Variants in SAMTOR observed in about 807,000 individuals in gnomAD.
SAMTOR encodes the protein UPF0532 protein C7orf60.
chr7:112,860,892 G>A, the SAMTOR span, among the ~76,000 whole-genome samples: 93 of 121,300 alleles, frequency 7.7e-4, 4 homozygotes, highest in East Asian at 0.014. Flanking sequence ...AGCCTGGGGT[G>A]ACAGAGCAAG....
the SAMTOR span, among the ~76,000 whole-genome samples, chr7:112,934,108 G>A: frequency 1.3e-5 from 2 of 152,074 alleles, no homozygotes; most frequent in Admixed American, 6.6e-5. Flanking sequence ...CATAAATGGC[G>A]GCAGATACAG....
chr7:112,930,853 TAC>T, the SAMTOR span, among the ~76,000 whole-genome samples: 2 of 152,218 alleles, frequency 1.3e-5, no homozygotes, highest in Non-Finnish European at 2.9e-5. Flanking sequence ...TTTCCAAGGT[TAC>T]ACAACAAACC....
At chr7:112,879,781 G>A in the SAMTOR span, among the ~76,000 whole-genome samples, 2 of 152,124 alleles carry the variant, frequency 1.3e-5, no homozygotes, top group African/African-American at 4.8e-5. Flanking sequence ...CATAAAATGA[G>A]TAATATTCAC....
the SAMTOR span, among the ~76,000 whole-genome samples, chr7:112,909,763 A>AATAAAT: frequency 6.6e-6 from 1 of 152,044 alleles, no homozygotes; most frequent in African/African-American, 2.4e-5. Context: ...GTTAAGCAAA[A>AATAAAT]ATAAATATAA....
the SAMTOR span, among the ~76,000 whole-genome samples, chr7:112,885,353 G>GA: frequency 2.0e-5 from 3 of 152,184 alleles, no homozygotes; most frequent in African/African-American, 7.2e-5. Flanking sequence ...TTTCTCCCCA[G>GA]AAAACGGGTT....
chr7:112,891,008 T>G, the SAMTOR span, among the ~76,000 whole-genome samples: 2 of 152,148 alleles, frequency 1.3e-5, no homozygotes, highest in Non-Finnish European at 2.9e-5. Context: ...ATTTAACAAA[T>G]TTAAGGAAAT....
At chr7:112,865,580 G>A in the SAMTOR span, among the ~76,000 whole-genome samples, 14 of 147,308 alleles carry the variant, frequency 9.5e-5, no homozygotes, top group African/African-American at 2.3e-4. Flanking sequence ...CTGGTGTCCC[G>A]TCTCATTCAT....
At chr7:112,835,248 T>A in the SAMTOR span, among the ~76,000 whole-genome samples, 1 of 152,148 alleles carries the variant, frequency 6.6e-6, no homozygotes, top group Non-Finnish European at 1.5e-5. Context: ...TCCAGGTACA[T>A]AAGTTCCTAA....
the SAMTOR span, among the ~76,000 whole-genome samples, chr7:112,840,759 G>C: frequency 6.6e-6 from 1 of 151,716 alleles, no homozygotes. Context: ...CTCTAAAATA[G>C]CATCATCCCT....
At chr7:112,849,374 T>A in the SAMTOR span, among the ~76,000 whole-genome samples, 2 of 152,170 alleles carry the variant, frequency 1.3e-5, no homozygotes, top group African/African-American at 4.8e-5. Context: ...TCTCTCTATC[T>A]TTACCTACAC....
chr7:112,881,127 T>A, the SAMTOR span, among the ~76,000 whole-genome samples: 1 of 152,196 alleles, frequency 6.6e-6, no homozygotes, highest in Non-Finnish European at 1.5e-5. Flanking sequence ...AGAGCAAAGT[T>A]GTGGGCCGAG....
the SAMTOR span, among the ~76,000 whole-genome samples, chr7:112,835,239 C>A: frequency 1.3e-5 from 2 of 152,018 alleles, no homozygotes; most frequent in African/African-American, 4.8e-5. Context: ...TTTGTGTACT[C>A]CAGGTACATA....
the SAMTOR span, chr7:112,895,827 G>A: frequency 1.2e-6 from 1 of 823,666 alleles, no homozygotes; most frequent in Non-Finnish European, 1.7e-6. Flanking sequence ...AATCAAGATG[G>A]GAAACTTTCA....
At chr7:112,938,897 G>A in the SAMTOR span, among the ~76,000 whole-genome samples, 1 of 152,174 alleles carries the variant, frequency 6.6e-6, no homozygotes, top group Admixed American at 6.5e-5. Context: ...GTCTTTAGGA[G>A]GCTTCCAATA....
At chr7:112,903,068 C>T in the SAMTOR span, among the ~76,000 whole-genome samples, 16 of 152,290 alleles carry the variant, frequency 1.1e-4, no homozygotes, top group Non-Finnish European at 1.5e-4. Context: ...AATCCCAGCA[C>T]TTTGGGAGGC....
chr7:112,905,727 T>A, the SAMTOR span, among the ~76,000 whole-genome samples: 1 of 152,092 alleles, frequency 6.6e-6, no homozygotes, highest in South Asian at 2.1e-4. Flanking sequence ...TCAAACCCAT[T>A]CCTAATATAA....
At chr7:112,884,778 G>C in the SAMTOR span, among the ~76,000 whole-genome samples, 1 of 152,154 alleles carries the variant, frequency 6.6e-6, no homozygotes, top group African/African-American at 2.4e-5. Context: ...AACCATTCTA[G>C]GATCTGGAGG....
the SAMTOR span, among the ~76,000 whole-genome samples, chr7:112,918,544 G>A: frequency 3.9e-5 from 6 of 152,048 alleles, no homozygotes; most frequent in African/African-American, 9.7e-5. Context: ...ATCAACTAAC[G>A]AGCAAAATAA....
the SAMTOR span, among the ~76,000 whole-genome samples, chr7:112,878,175 AT>A: frequency 2.0e-5 from 3 of 152,094 alleles, no homozygotes; most frequent in Non-Finnish European, 4.4e-5. Flanking sequence ...AATAAAATTA[AT>A]TTTTACTGCT....
Sources: gnomAD v4.1 joint callset for allele counts (sites outside exome capture counted in the v4.1 genomes callset) on GRCh38, gnomAD v4.1.1 for gene constraint, MANE v1.5 for transcripts, NCBI Gene and HGNC (gene_info 2026-07-23, HGNC 2026-07-21) for gene names.